SLC14A2: variants seen among roughly 807,000 people sequenced by gnomAD.
SLC14A2 encodes urea transporter 2.
In SLC14A2, 91 loss-of-function variants were observed where a neutral mutation model predicts 104.6. The observed-to-expected ratio is 0.87, with a 90% CI of 0.73 to 1.04. The LOEUF (loss-of-function observed/expected upper bound fraction) is 1.04, where lower values mean the gene tolerates loss of function less well. SLC14A2 is among the 50% of genes least tolerant of loss of function. The probability of loss-of-function intolerance (pLI) is 0.00; values close to 1 mark genes in which losing one functional copy is unlikely to be tolerated. For missense variants in SLC14A2, 1,189 were observed against 1,156.0 expected, an observed-to-expected ratio of 1.03 and a Z score of -0.41; for synonymous variants, 476 against 466.4, an observed-to-expected ratio of 1.02 and a Z score of -0.27.
chr18:45,223,543 G>T (rs1396326393), intron 1 of SLC14A2, among the ~76,000 whole-genome samples: 1 of 152,190 alleles, frequency 6.6e-6, no homozygotes, highest in African/African-American at 2.4e-5. Context: ...CTCAGACAGG[G>T]TCTTCTTTCC....
At chr18:45,629,969 C>T (rs1221386248) in intron 4 of SLC14A2, among the ~76,000 whole-genome samples, 1 of 152,214 alleles carries the variant, frequency 6.6e-6, no homozygotes, top group Admixed American at 6.5e-5. Flanking sequence ...TCTAATTCTA[C>T]AGTTCCCTGG....
At chr18:45,432,858 G>A (rs1288735189) in intron 1 of SLC14A2, among the ~76,000 whole-genome samples, 1 of 152,056 alleles carries the variant, frequency 6.6e-6, no homozygotes, top group Non-Finnish European at 1.5e-5. Context: ...CTAACCTTAG[G>A]GGCAAGAGTT....
intron 2 of SLC14A2, among the ~76,000 whole-genome samples, chr18:45,573,998 G>A (rs1426559506): frequency 6.6e-6 from 1 of 152,186 alleles, no homozygotes; most frequent in African/African-American, 2.4e-5. Flanking sequence ...TGTAAGCTAG[G>A]GCTTAGTACA....
At chr18:45,295,390 C>G (rs1045272643) in intron 1 of SLC14A2, among the ~76,000 whole-genome samples, 6 of 151,956 alleles carry the variant, frequency 3.9e-5, no homozygotes, top group African/African-American at 1.5e-4. Flanking sequence ...CTTGCAGTTG[C>G]AGTTGTGACT....
At chr18:45,231,136 A>G (rs1340103994) in intron 1 of SLC14A2, among the ~76,000 whole-genome samples, 6 of 152,218 alleles carry the variant, frequency 3.9e-5, no homozygotes, top group South Asian at 2.1e-4. Context: ...AACTTGTCCA[A>G]AGTCACAGTG....
chr18:45,437,657 T>A (rs2086618828), intron 1 of SLC14A2, among the ~76,000 whole-genome samples: 1 of 152,148 alleles, frequency 6.6e-6, no homozygotes, highest in Admixed American at 6.5e-5. Flanking sequence ...CAGCAGTTGT[T>A]GTGTTGTGTG....
chr18:45,592,473 C>G (rs578010323), intron 2 of SLC14A2, among the ~76,000 whole-genome samples: 1 of 152,330 alleles, frequency 6.6e-6, no homozygotes, highest in South Asian at 2.1e-4. Flanking sequence ...GCGCCCCATT[C>G]CCAGTCCCAT....
chr18:45,379,851 A>G (rs948589697), intron 1 of SLC14A2, among the ~76,000 whole-genome samples: 1 of 152,222 alleles, frequency 6.6e-6, no homozygotes, highest in African/African-American at 2.4e-5. Flanking sequence ...TCATACATGG[A>G]CCTGTAGAGG....
chr18:45,589,838 G>A (rs1317760699), intron 2 of SLC14A2, among the ~76,000 whole-genome samples: 6 of 152,178 alleles, frequency 3.9e-5, no homozygotes, highest in African/African-American at 1.4e-4. Context: ...CTGGGGCAGG[G>A]AGGGGAGGAG....
intron 18 of SLC14A2, among the ~76,000 whole-genome samples, chr18:45,678,201 T>C (rs1015212972): frequency 2.0e-5 from 3 of 152,202 alleles, no homozygotes; most frequent in Admixed American, 6.5e-5. Context: ...AACTGAAATA[T>C]AGGCTGAACA....
intron 1 of SLC14A2, among the ~76,000 whole-genome samples, chr18:45,469,664 T>A (rs116003338): frequency 0.038 from 5,751 of 152,204 alleles, 372 homozygotes; most frequent in African/African-American, 0.13. Flanking sequence ...CAAAGAAGGC[T>A]CCCCAGAGGA....
chr18:45,343,495 G>A (rs756282154), intron 1 of SLC14A2, among the ~76,000 whole-genome samples: 18 of 152,176 alleles, frequency 1.2e-4, no homozygotes, highest in Non-Finnish European at 1.9e-4. Context: ...GGGAGAGTTC[G>A]AAGCACTCCA....
intron 1 of SLC14A2, among the ~76,000 whole-genome samples, chr18:45,329,880 GTCA>G (rs2085272204): frequency 6.6e-6 from 1 of 152,138 alleles, no homozygotes; most frequent in South Asian, 2.1e-4. Flanking sequence ...TAAATTCCAA[GTCA>G]TCATGGTTTG....
intron 1 of SLC14A2, among the ~76,000 whole-genome samples, chr18:45,316,558 C>T (rs908823005): frequency 6.6e-6 from 1 of 151,914 alleles, no homozygotes; most frequent in East Asian, 1.9e-4. Flanking sequence ...TCTGAGGACC[C>T]GATATAAAGG....
intron 1 of SLC14A2, among the ~76,000 whole-genome samples, chr18:45,310,495 A>ACTG (rs2085067766): frequency 6.6e-6 from 1 of 152,244 alleles, no homozygotes; most frequent in Non-Finnish European, 1.5e-5. Context: ...TTCAGACAAG[A>ACTG]ATACAAACTC....
At position 45,643,995 on chromosome 18, in the gene SLC14A2, C is replaced by A. The variant is rs906455103; in HGVS notation, c.1186C>A (p.Pro396Thr). ...ATGCTTTTGTTTCCAGGTGGGCGTGCCACCAGGCACCTGGGCCTTCTGCCT... is the reference window on the plus strand; with the variant it reads ...ATGCTTTTGTTTCCAGGTGGGCGTGACACCAGGCACCTGGGCCTTCTGCCT... ...ISNIMSVVGV[P>T]PGTWAFCLAT... Residue 396 changes from proline to threonine, a missense_variant, in exon 10 of 20, where the codon CCA becomes ACA. By Grantham distance (38) the Pro-to-Thr change is conservative (BLOSUM62 -1). Transcript: ENST00000255226. 1 of 1,613,808 alleles carries A rather than the reference C, an allele frequency of 6.2e-7. No homozygotes were observed. The highest frequency in any genetic ancestry group is 1.3e-5 in the African/African-American group (1 of 75,064).
intron 11 of SLC14A2, among the ~76,000 whole-genome samples, chr18:45,664,793 G>C (rs1000243): frequency 0.13 from 19,056 of 152,212 alleles, 1,362 homozygotes; most frequent in East Asian, 0.25. Context: ...GATTGCCGAG[G>C]ACATTGCACA....
intron 1 of SLC14A2, among the ~76,000 whole-genome samples, chr18:45,455,768 T>C (rs1485374192): frequency 6.6e-6 from 1 of 152,174 alleles, no homozygotes; most frequent in Non-Finnish European, 1.5e-5. Flanking sequence ...ACTTACATTC[T>C]AGTGTAAGAG....
intron 1 of SLC14A2, among the ~76,000 whole-genome samples, chr18:45,227,904 A>G (rs1031372298): frequency 8.5e-5 from 13 of 152,338 alleles, no homozygotes; most frequent in Middle Eastern, 3.4e-3. Flanking sequence ...TAAAGTATTT[A>G]TCCCAGGGCT....
Sources: gnomAD v4.1 joint callset for allele counts (sites outside exome capture counted in the v4.1 genomes callset) on GRCh38, gnomAD v4.1.1 for gene constraint, MANE v1.5 for transcripts, NCBI Gene and HGNC (gene_info 2026-07-23, HGNC 2026-07-21) for gene names.